The following TENM3 variants were observed in gnomAD, a reference collection of about 807,000 sequenced individuals.
The protein encoded by TENM3 is teneurin transmembrane protein 3.
A neutral mutation model predicts 255.1 loss-of-function variants in TENM3; 63 were observed. The observed-to-expected ratio is 0.25, with a 90% CI of 0.20 to 0.30. The LOEUF is 0.30. Ranked by LOEUF, TENM3 falls within the 10% of genes least tolerant of loss-of-function variation. TENM3 has a pLI of 1.00. For missense variants in TENM3, 2,929 were observed against 3,461.1 expected (o/e 0.85, Z 3.86); for synonymous variants, 1,306 against 1,322.3 (o/e 0.99, Z 0.27).
At chr4:181,933,029 G>C in the TENM3 span, among the ~76,000 whole-genome samples, 1 of 152,136 alleles carries the variant, frequency 6.6e-6, no homozygotes, top group East Asian at 1.9e-4. Flanking sequence ...TTGGGGGCAA[G>C]GGGAGGGATA....
chr4:181,692,439 C>G, the TENM3 span, among the ~76,000 whole-genome samples: 26 of 152,124 alleles, frequency 1.7e-4, no homozygotes, highest in Non-Finnish European at 3.5e-4. Context: ...AAGGTAATTA[C>G]CAGTTCAAAG....
chr4:182,281,865 A>C (rs1760406837), intron 1 of TENM3, among the ~76,000 whole-genome samples: 1 of 152,148 alleles, frequency 6.6e-6, no homozygotes, highest in African/African-American at 2.4e-5. Context: ...CCTCCAGAGT[A>C]GCTGGTATTA....
the TENM3 span, among the ~76,000 whole-genome samples, chr4:181,489,890 AT>A: frequency 6.6e-6 from 1 of 152,210 alleles, no homozygotes; most frequent in East Asian, 1.9e-4. Flanking sequence ...CATTTGTAAT[AT>A]TTCCAGATCA....
chr4:181,716,739 A>G, the TENM3 span, among the ~76,000 whole-genome samples: 3 of 152,200 alleles, frequency 2.0e-5, no homozygotes, highest in African/African-American at 7.2e-5. Context: ...ATTAGAGGGT[A>G]ATCAATATTA....
At chr4:181,866,878 A>G in the TENM3 span, among the ~76,000 whole-genome samples, 1 of 152,002 alleles carries the variant, frequency 6.6e-6, no homozygotes, top group Admixed American at 6.6e-5. Flanking sequence ...GTCTGTCCAT[A>G]TATCCCCTCC....
At chr4:181,761,054 A>G in the TENM3 span, among the ~76,000 whole-genome samples, 2 of 151,406 alleles carry the variant, frequency 1.3e-5, no homozygotes, top group Admixed American at 1.3e-4. Flanking sequence ...ATAAATTATC[A>G]TTCATGATTA....
At chr4:182,072,915 T>G in the TENM3 span, among the ~76,000 whole-genome samples, 1 of 152,118 alleles carries the variant, frequency 6.6e-6, no homozygotes, top group Non-Finnish European at 1.5e-5. Context: ...AGGAATGTAA[T>G]TAAGGTGAAA....
chr4:181,753,852 A>C, the TENM3 span, among the ~76,000 whole-genome samples: 3 of 152,176 alleles, frequency 2.0e-5, no homozygotes, highest in Admixed American at 1.3e-4. Context: ...ACATTGTACT[A>C]GGTACAGAGG....
chr4:182,728,352 T>A (rs35365787), intron 13 of TENM3, among the ~76,000 whole-genome samples: 20,186 of 152,264 alleles, frequency 0.13, 1,523 homozygotes, highest in South Asian at 0.16. Context: ...TGAGTAGCTT[T>A]ACTTACAACT....
chr4:182,058,509 G>A, the TENM3 span, among the ~76,000 whole-genome samples: 11 of 151,966 alleles, frequency 7.2e-5, no homozygotes, highest in Non-Finnish European at 5.9e-5. Context: ...AGTAAAACTC[G>A]CCCCAGAGAT....
chr4:182,628,600 C>T, intron 4 of TENM3, 51 bp from the exon 5 acceptor site: 1 of 1,243,840 alleles, frequency 8.0e-7, no homozygotes, highest in South Asian at 1.3e-5. Flanking sequence ...TCTCTTGTCT[C>T]TTGTATCGTA....
the TENM3 span, among the ~76,000 whole-genome samples, chr4:181,944,915 C>T: frequency 6.6e-6 from 1 of 152,006 alleles, no homozygotes; most frequent in Admixed American, 6.6e-5. Flanking sequence ...AAAACTATTC[C>T]ACGGAGCCCT....
chr4:182,660,672 T>C (rs1485760052), intron 6 of TENM3, among the ~76,000 whole-genome samples: 1 of 152,228 alleles, frequency 6.6e-6, no homozygotes, highest in East Asian at 1.9e-4. Context: ...GTTATTTATA[T>C]TTTTAGTTAT....
At chr4:182,662,318 A>G (rs1561071500) in intron 6 of TENM3, among the ~76,000 whole-genome samples, 1 of 152,220 alleles carries the variant, frequency 6.6e-6, no homozygotes, top group Non-Finnish European at 1.5e-5. Context: ...AGTAGGTGAA[A>G]AGACTGCTAG....
At chr4:181,975,815 A>G in the TENM3 span, 1 of 152,214 alleles carries the variant, frequency 6.6e-6, no homozygotes, top group African/African-American at 2.4e-5. Flanking sequence ...AATGGAGGAT[A>G]CATGTGTTTC....
the TENM3 span, among the ~76,000 whole-genome samples, chr4:181,780,451 TTAA>T: frequency 1.8e-4 from 28 of 152,260 alleles, no homozygotes; most frequent in Non-Finnish European, 3.7e-4. Flanking sequence ...GAAGTGTCTG[TTAA>T]TATCCTTCAC....
At chr4:182,225,707 T>C (rs1344099717) in intron 1 of TENM3, among the ~76,000 whole-genome samples, 1 of 152,102 alleles carries the variant, frequency 6.6e-6, no homozygotes, top group Non-Finnish European at 1.5e-5. Context: ...GGGAGATGTC[T>C]CCAAAATCAA....
At chr4:182,264,580 G>T (rs1227841395) in intron 1 of TENM3, among the ~76,000 whole-genome samples, 2 of 152,214 alleles carry the variant, frequency 1.3e-5, no homozygotes, top group Non-Finnish European at 2.9e-5. Flanking sequence ...CAGTAGCTAA[G>T]GTTTTTGCCC....
chr4:182,779,393 A>C (rs1764984437), intron 24 of TENM3, among the ~76,000 whole-genome samples: 1 of 151,952 alleles, frequency 6.6e-6, no homozygotes, highest in Admixed American at 6.5e-5. Flanking sequence ...TGAACTCATC[A>C]TTTTTTATGG....
Sources: gnomAD v4.1 joint callset for allele counts (sites outside exome capture counted in the v4.1 genomes callset) on GRCh38, gnomAD v4.1.1 for gene constraint, MANE v1.5 for transcripts, NCBI Gene and HGNC (gene_info 2026-07-23, HGNC 2026-07-21) for gene names.